RPL23A: variants seen among roughly 807,000 people sequenced by gnomAD.
RPL23A encodes the protein ribosomal protein L23a, also known as large ribosomal subunit protein uL23.
Under a neutral mutation model 17.6 loss-of-function variants are expected in RPL23A, and 2 were observed. The ratio of observed to expected loss-of-function variants is 0.11; its 90% CI spans 0.05 to 0.36. RPL23A has a LOEUF of 0.36. Among genes scored for constraint, RPL23A ranks in the 10% least tolerant of loss-of-function variants. The pLI is 1.00. For synonymous variants in RPL23A, 65 were observed against 74.3 expected (o/e 0.87, Z 0.65); for missense variants, 132 against 194.4 (o/e 0.68, Z 1.91).
At position 28,720,753 on chromosome 17, in the gene RPL23A, C is replaced by T. The variant is rs142635516; in HGVS notation, c.72C>T (p.Ala24=). 6.8e-6 allele frequency: 11 copies of T among 1,613,628 alleles called. No homozygotes were observed. The East Asian group carries it at 8.9e-5, about 13-fold the overall frequency. The part of the protein sequence containing the change: ...KAEAKAKALK[A]KKAVLKGVHS... Reference sequence around the variant, plus strand: ...AAGCCAAAGCGAAGGCTTTAAAGGCCAAGAAGGCAGTGTTGAAAGGTGTCC... The same window carrying T: ...AAGCCAAAGCGAAGGCTTTAAAGGCTAAGAAGGCAGTGTTGAAAGGTGTCC... Residue 24 remains alanine, a synonymous_variant, in exon 2 of 5, where the codon GCC becomes GCT. Coordinates refer to ENST00000422514, the MANE Select transcript of RPL23A (RefSeq NM_000984.6).
intron 3 of RPL23A, 60 bp from the exon 4 acceptor site, chr17:28,723,511 A>G (rs1567753371): frequency 1.7e-6 from 2 of 1,165,108 alleles, no homozygotes; most frequent in African/African-American, 1.5e-5. Flanking sequence ...TGGAGGAGGA[A>G]GGGGGAGGGT....
intron 2 of RPL23A, chr17:28,721,779 C>T (rs887694000): frequency 1.3e-5 from 2 of 152,160 alleles, no homozygotes; most frequent in Middle Eastern, 3.2e-3. Context: ...TCTACTCTTT[C>T]TTAACAGAAA....
At chr17:28,720,367 C>G in intron 1 of RPL23A, 1 of 1,559,084 alleles carries the variant, frequency 6.4e-7, no homozygotes. Context: ...CATTTTCCTT[C>G]TGGTTCATGT....
rs1051691487 is a variant in RPL23A, at chr17:28,723,367, C to CCTTGGT, written c.387-204_387-203insCTTGGT. The CCTTGGT allele has an allele frequency of 4.0e-6, 3 of 757,450 alleles. No homozygotes were observed. The African/African-American group carries it at 5.1e-5, about 13-fold the overall frequency. The allele number at this position is 757,450 out of a possible 1,614,324, so 46.9% of individuals were successfully genotyped here. On this transcript the variant is annotated intron_variant, in intron 3 of 4. Transcript: ENST00000422514. ...CGTGGCAGATTACCTTGGTTTAAGT[C>CCTTGGT]TTAATGTGGCCTGTGGTGTTTCCCA...
rs762380035 is a variant in RPL23A at position 28,720,599 on chromosome 17, AAGG to A, written c.26-106_26-104del. 2.9e-6 allele frequency: 4 copies of A among 1,400,654 alleles called. No homozygotes were observed. In the South Asian group the frequency reaches 4.6e-5, roughly 16 times the overall value. 86.8% of individuals were successfully genotyped at this position (1,400,654 alleles called of 1,614,324 possible). A position where few individuals can be genotyped will look rare whatever the true frequency, so the allele number is the denominator to read the frequency against. On this transcript the variant is annotated intron_variant, in intron 1 of 4. Transcript: ENST00000422514. ...TCTCCTGACACTTGTGATGTCTTCA[AAGG>A]AACCACTGATGCACCTGTGGCCAGG...
intron 1 of RPL23A, chr17:28,720,322 C>G: frequency 6.4e-7 from 1 of 1,550,758 alleles, no homozygotes; most frequent in Non-Finnish European, 8.7e-7. Context: ...TCCATGTCCC[C>G]GGGCCTGTAA....
chr17:28,723,416 C>T (rs775811714), intron 3 of RPL23A, 155 bp from the exon 4 acceptor site: 3 of 777,978 alleles, frequency 3.9e-6, no homozygotes, highest in South Asian at 2.7e-5. Flanking sequence ...TTTGTGGCTT[C>T]ATGGTGTCCT....
Position 28,722,611 on chromosome 17 carries a change from A to G in RPL23A, c.210-112A>G, listed in dbSNP as rs745498940. 1.2e-5 allele frequency: 11 copies of G among 923,086 alleles called. No individual in the cohort carries two copies. The African/African-American group carries it at 1.5e-4, about 12-fold the overall frequency. 57.2% of individuals were successfully genotyped at this position (923,086 alleles called of 1,614,324 possible). A position where few individuals can be genotyped will look rare whatever the true frequency, so the allele number is the denominator to read the frequency against. On this transcript the variant is annotated intron_variant, in intron 2 of 4. Coordinates refer to ENST00000422514, the MANE Select transcript of RPL23A (RefSeq NM_000984.6). ...CAGATGATGACACTGTAAAGCGACC[A>G]AAGTCTGAACAAAGTGATTGGTACC...
At chr17:28,722,534 CACA>C (rs1253443001) in intron 2 of RPL23A, 186 bp from the exon 3 acceptor site, 1 of 751,072 alleles carries the variant, frequency 1.3e-6, no homozygotes, top group East Asian at 2.5e-5. Flanking sequence ...AAAGAAAATG[CACA>C]ACGTTCTGCC....
chr17:28,720,978 C>A, intron 2 of RPL23A, 88 bp downstream of exon 2: 1 of 1,169,086 alleles, frequency 8.6e-7, no homozygotes, highest in Non-Finnish European at 1.2e-6. Context: ...GATGGTTTCT[C>A]AAACGCAAAT....
intron 1 of RPL23A, 170 bp from the exon 2 acceptor site, chr17:28,720,537 C>T (rs745767652): frequency 8.3e-6 from 12 of 1,441,538 alleles, no homozygotes; most frequent in Non-Finnish European, 1.1e-5. Flanking sequence ...TGGTCGCTTT[C>T]GCCTCTGGTA....
chr17:28,720,713 C>G lies in RPL23A; in HGVS notation c.32C>G (p.Ala11Gly). ...TTCTTTCCTTTTCTCCCAGCTCCTG[C>G]CCCTCCTAAAGCTGAAGCCAAAGCG... MAPKAKKEAP[A>G]PPKAEAKAKA... The change falls in exon 2 of 5, where the codon GCC (alanine) becomes GGC (glycine). Residue 11 changes from alanine to glycine, a missense_variant. Coordinates refer to ENST00000422514, the MANE Select transcript of RPL23A (RefSeq NM_000984.6). 1 of 1,614,018 alleles carries G rather than the reference C, an allele frequency of 6.2e-7. No homozygotes were observed. The highest frequency in any genetic ancestry group is 8.5e-7 in the Non-Finnish European group (1 of 1,179,920).
chr17:28,722,108 G>T (rs995579935), intron 2 of RPL23A, among the ~76,000 whole-genome samples: 2 of 150,890 alleles, frequency 1.3e-5, no homozygotes, highest in Non-Finnish European at 3.0e-5. Flanking sequence ...TTAGCCGGGC[G>T]TGGTGGCAGG....
intron 2 of RPL23A, 137 bp downstream of exon 2, chr17:28,721,027 A>G (rs2034104976): frequency 2.6e-6 from 2 of 779,144 alleles, no homozygotes; most frequent in Non-Finnish European, 4.1e-6. Flanking sequence ...GTATGAGGAG[A>G]TTGTTTCTGC....
chr17:28,720,275 C>T (rs781717968), intron 1 of RPL23A: 3 of 1,543,020 alleles, frequency 1.9e-6, no homozygotes, highest in Non-Finnish European at 2.6e-6. Flanking sequence ...GCCAGACATT[C>T]GGTTCTGGGA....
At chr17:28,723,108 C>CT (rs928021002) in intron 3 of RPL23A, among the ~76,000 whole-genome samples, 1 of 144,320 alleles carries the variant, frequency 6.9e-6, no homozygotes, top group Non-Finnish European at 1.5e-5. Context: ...AAGCAAGGCC[C>CT]TTTTTAAAAA....
intron 3 of RPL23A, 37 bp downstream of exon 3, chr17:28,722,936 C>T: frequency 1.3e-6 from 2 of 1,589,620 alleles, no homozygotes; most frequent in South Asian, 1.1e-5. Flanking sequence ...GCAGGCTGGA[C>T]CAGCAGTCTG....
At chr17:28,723,456 G>A in intron 3 of RPL23A, 115 bp from the exon 4 acceptor site, 1 of 829,672 alleles carries the variant, frequency 1.2e-6, no homozygotes, top group Non-Finnish European at 2.2e-6. Flanking sequence ...ATCATTATTG[G>A]AAAAGAATGA....
intron 2 of RPL23A, among the ~76,000 whole-genome samples, chr17:28,722,245 CAAAAA>C (rs57128027): frequency 7.9e-5 from 10 of 127,188 alleles, no homozygotes; most frequent in Admixed American, 7.8e-5. Flanking sequence ...GACTCTGTCT[CAAAAA>C]AAAAAAAAAA....
Sources: allele counts gnomAD v4.1 joint callset (sites outside exome capture counted in the v4.1 genomes callset), GRCh38; gene constraint gnomAD v4.1.1; transcripts MANE v1.5; gene names NCBI Gene and HGNC (gene_info 2026-07-23, HGNC 2026-07-21).